Variants in RUFY1 observed in about 807,000 individuals in gnomAD.
The protein encoded by RUFY1 is RUN and FYVE domain-containing protein 1.
RUFY1 carries 54 observed loss-of-function variants against 94.6 expected under a neutral mutation model. That is an observed-to-expected ratio of 0.57 (90% CI 0.46 to 0.72). The LOEUF is 0.72. Among genes scored for constraint, RUFY1 ranks in the 30% least tolerant of loss-of-function variants. The probability of loss-of-function intolerance (pLI) is 0.00; values close to 1 mark genes in which losing one functional copy is unlikely to be tolerated. For missense variants in RUFY1, 883 were observed against 883.9 expected, an observed-to-expected ratio of 1.00 and a Z score of 0.01; for synonymous variants, 396 against 347.3, an observed-to-expected ratio of 1.14 and a Z score of -1.56.
intron 10 of RUFY1, 102 bp from the exon 11 acceptor site, chr5:179,593,376 G>A: frequency 7.2e-7 from 1 of 1,380,588 alleles, no homozygotes. Context: ...ACCACACCCA[G>A]CCTTCAGTTT....
At chr5:179,551,013 G>A (rs1203513080) in intron 1 of RUFY1, 134 bp downstream of exon 1, 5 of 709,704 alleles carry the variant, frequency 7.0e-6, no homozygotes, top group Non-Finnish European at 8.7e-6. Flanking sequence ...CGGGCGGGCG[G>A]CGCCTGGCTG....
chr5:179,579,223 T>C (rs138788391), intron 6 of RUFY1, among the ~76,000 whole-genome samples: 1 of 152,332 alleles, frequency 6.6e-6, no homozygotes, highest in African/African-American at 2.4e-5. Context: ...ACACTAAAGC[T>C]TCATGCATCC....
intron 17 of RUFY1, 109 bp from the exon 18 acceptor site, chr5:179,609,267 A>T: frequency 1.8e-6 from 2 of 1,134,924 alleles, no homozygotes; most frequent in Middle Eastern, 2.8e-4. Context: ...CCACAGAAAC[A>T]TAAGAACCCA....
intron 6 of RUFY1, 53 bp downstream of exon 6, chr5:179,577,189 T>TTTTTTG (rs1763686511): frequency 1.1e-6 from 1 of 871,326 alleles, no homozygotes; most frequent in Non-Finnish European, 1.7e-6. Context: ...TTTTTTTTTT[T>TTTTTTG]GAGACAGAAT....
chr5:179,564,728 A>G (rs1360153860), intron 3 of RUFY1, among the ~76,000 whole-genome samples: 2 of 151,976 alleles, frequency 1.3e-5, no homozygotes, highest in Non-Finnish European at 2.9e-5. Context: ...TTCCCCTTAC[A>G]TACATTTTAT....
chr5:179,601,991 G>A lies in RUFY1; in HGVS notation c.1856+5G>A, dbSNP rs772326232. ...AATGGGCCTGCACCTCAGCCAGTAAGAACCCCACTCCCCTTGTCTGCCACT... is the reference window on the plus strand; with the variant it reads ...AATGGGCCTGCACCTCAGCCAGTAAAAACCCCACTCCCCTTGTCTGCCACT... On this transcript the variant is annotated splice_donor_5th_base_variant and intron_variant, in intron 15 of 17. Transcript: ENST00000319449. 2.0e-5 allele frequency: 32 copies of A among 1,609,718 alleles called. No individual in the cohort carries two copies. The highest frequency in any genetic ancestry group is 2.6e-5 in the Non-Finnish European group (31 of 1,176,536).
intron 1 of RUFY1, among the ~76,000 whole-genome samples, chr5:179,553,456 A>G (rs1317221422): frequency 2.0e-5 from 3 of 152,200 alleles, no homozygotes; most frequent in South Asian, 4.1e-4. Flanking sequence ...AACTTCACCA[A>G]CTGCAAAATG....
chr5:179,584,438 A>C (rs1562037045), intron 7 of RUFY1, among the ~76,000 whole-genome samples: 3 of 152,178 alleles, frequency 2.0e-5, no homozygotes, highest in Non-Finnish European at 4.4e-5. Flanking sequence ...TAACAGTAGG[A>C]TCTACCTCAT....
At chr5:179,595,251 G>A (rs575437925) in intron 12 of RUFY1, among the ~76,000 whole-genome samples, 117 of 152,184 alleles carry the variant, frequency 7.7e-4, no homozygotes, top group South Asian at 1.5e-3. Context: ...AGGCCGAGGC[G>A]GGCGGATCAC....
At chr5:179,589,459 A>G (rs1764860838) in intron 8 of RUFY1, 87 bp from the exon 9 acceptor site, 4 of 829,028 alleles carry the variant, frequency 4.8e-6, no homozygotes, top group Non-Finnish European at 8.3e-6. Flanking sequence ...ATACATTGTC[A>G]ACTGTGAAGA....
intron 4 of RUFY1, chr5:179,569,047 G>A (rs1404663296): frequency 8.1e-6 from 8 of 985,204 alleles, no homozygotes; most frequent in Non-Finnish European, 8.4e-6. Context: ...AGGAGAACTG[G>A]GGTCCAGGGT....
intron 5 of RUFY1, among the ~76,000 whole-genome samples, chr5:179,570,611 C>G (rs1763154737): frequency 6.6e-6 from 1 of 152,162 alleles, no homozygotes; most frequent in South Asian, 2.1e-4. Flanking sequence ...CTTCCACCCC[C>G]TCTTCGGGGC....
chr5:179,604,528 C>T (rs752819415), intron 15 of RUFY1, among the ~76,000 whole-genome samples: 2 of 152,036 alleles, frequency 1.3e-5, no homozygotes, highest in Non-Finnish European at 2.9e-5. Context: ...AGCTGCCTCC[C>T]GATCTTTAGT....
intron 10 of RUFY1, among the ~76,000 whole-genome samples, chr5:179,593,146 G>A (rs2127556880): frequency 6.6e-6 from 1 of 152,296 alleles, no homozygotes; most frequent in East Asian, 1.9e-4. Context: ...TGTGATTTCG[G>A]CTCACTGCAG....
chr5:179,602,122 A>G, intron 15 of RUFY1, 136 bp downstream of exon 15: 1 of 683,534 alleles, frequency 1.5e-6, no homozygotes, highest in Non-Finnish European at 2.6e-6. Context: ...TTCACGGATG[A>G]GCTCTCAGGA....
At chr5:179,594,135 C>G (rs1765342243) in intron 11 of RUFY1, among the ~76,000 whole-genome samples, 1 of 151,860 alleles carries the variant, frequency 6.6e-6, no homozygotes, top group Non-Finnish European at 1.5e-5. Flanking sequence ...AACACCGTCT[C>G]TACTAAAAAT....
chr5:179,583,493 T>C (rs1764337379), intron 7 of RUFY1, among the ~76,000 whole-genome samples: 1 of 148,566 alleles, frequency 6.7e-6, no homozygotes, highest in Non-Finnish European at 1.5e-5. Flanking sequence ...CTCGGCTCAC[T>C]GCAAGCTCCG....
chr5:179,572,654 G>A lies in RUFY1; in HGVS notation c.828+3229G>A, dbSNP rs192332977. 798 of 188,130 alleles carry A rather than the reference G, an allele frequency of 4.2e-3. 11 individuals carry two copies. Among genetic ancestry groups the A allele is most frequent in the African/African-American group, 0.018 (763 of 42,090 alleles). 11.7% of individuals were successfully genotyped at this position (188,130 alleles called of 1,614,324 possible). ...GGCATTCCAGTACGCAGATGAGCACGGGAAAGTTTGTCCCACTGGCTGGAA... is the reference window on the plus strand; with the variant it reads ...GGCATTCCAGTACGCAGATGAGCACAGGAAAGTTTGTCCCACTGGCTGGAA... On this transcript the variant is annotated intron_variant, in intron 5 of 17. Coordinates refer to ENST00000319449, the MANE Select transcript of RUFY1 (RefSeq NM_025158.5).
intron 5 of RUFY1, among the ~76,000 whole-genome samples, chr5:179,576,116 T>G (rs1308345365): frequency 6.6e-6 from 1 of 152,166 alleles, no homozygotes; most frequent in Non-Finnish European, 1.5e-5. Flanking sequence ...ACTGCGTTCT[T>G]TGTTATAGTT....
Sources: allele counts gnomAD v4.1 joint callset (sites outside exome capture counted in the v4.1 genomes callset), GRCh38; gene constraint gnomAD v4.1.1; transcripts MANE v1.5; gene names NCBI Gene and HGNC (gene_info 2026-07-23, HGNC 2026-07-21).